LRRC7: variants seen among roughly 807,000 people sequenced by gnomAD.
LRRC7 encodes the protein leucine-rich repeat-containing protein 7.
A neutral mutation model predicts 175.7 loss-of-function variants in LRRC7; 23 were observed. The ratio of observed to expected loss-of-function variants is 0.13; its 90% CI spans 0.09 to 0.19. The LOEUF is 0.19. Among genes scored for constraint, LRRC7 ranks in the 10% least tolerant of loss-of-function variants. The probability of loss-of-function intolerance (pLI) is 1.00; values close to 1 mark genes in which losing one functional copy is unlikely to be tolerated. For missense variants in LRRC7, 1,354 were observed against 1,904.7 expected (o/e 0.71, Z 5.38); for synonymous variants, 685 against 680.9 (o/e 1.01, Z -0.09).
At chr1:69,919,900 A>G in intron 7 of LRRC7, 1 of 658,872 alleles carries the variant, frequency 1.5e-6, no homozygotes, top group Non-Finnish European at 2.8e-6. Context: ...CAGTGGCCGA[A>G]CCCCCCACTC....
chr1:70,016,729 C>A (rs534136021), intron 14 of LRRC7, among the ~76,000 whole-genome samples, 195 bp downstream of exon 14: 27 of 152,232 alleles, frequency 1.8e-4, no homozygotes, highest in African/African-American at 6.0e-4. Context: ...AAGCCCCACC[C>A]TCCTTAAATA....
chr1:69,756,742 A>T (rs1483837862), intron 2 of LRRC7, among the ~76,000 whole-genome samples: 1 of 151,972 alleles, frequency 6.6e-6, no homozygotes, highest in African/African-American at 2.4e-5. Flanking sequence ...TCCACAAATG[A>T]AGGAATAAAT....
intron 4 of LRRC7, among the ~76,000 whole-genome samples, chr1:69,802,706 T>A (rs932072118): frequency 6.6e-6 from 1 of 151,416 alleles, no homozygotes; most frequent in Non-Finnish European, 1.5e-5. Context: ...AACATTTGAT[T>A]CATTTATATC....
In LRRC7 at chr1:69,825,952, G is replaced by A. The variant is rs535339448; in HGVS notation, c.500+126G>A. ...GCATTGACATAGCATTTAATAGAAT[G>A]ATGGGAAAAATTAATCAGAATAGTT... On this transcript the variant is annotated intron_variant, in intron 5 of 26. Coordinates refer to ENST00000651989, the MANE Select transcript of LRRC7 (RefSeq NM_001370785.2). 2.3e-5 allele frequency: 12 copies of A among 526,290 alleles called. No homozygotes were observed. The South Asian group carries it at 3.3e-4, about 14-fold the overall frequency. 32.6% of individuals were successfully genotyped at this position (526,290 alleles called of 1,614,324 possible). A position where few individuals can be genotyped will look rare whatever the true frequency, so the allele number is the denominator to read the frequency against.
chr1:69,818,915 A>G (rs978810969), intron 4 of LRRC7, among the ~76,000 whole-genome samples: 1 of 152,050 alleles, frequency 6.6e-6, no homozygotes, highest in African/African-American at 2.4e-5. Flanking sequence ...CATGATTTGT[A>G]TATCTGTAGT....
intron 4 of LRRC7, among the ~76,000 whole-genome samples, chr1:69,813,771 G>T (rs1040797554): frequency 1.3e-5 from 2 of 152,038 alleles, no homozygotes; most frequent in African/African-American, 2.4e-5. Flanking sequence ...TCCCTTAGAA[G>T]AGAGTTCATT....
chr1:70,081,633 T>G (rs1031086749), intron 24 of LRRC7, among the ~76,000 whole-genome samples: 3 of 152,182 alleles, frequency 2.0e-5, no homozygotes, highest in African/African-American at 7.2e-5. Context: ...AAGAGTAAAT[T>G]GACACTGGAA....
chr1:69,901,723 A>T (rs531803592), intron 7 of LRRC7, among the ~76,000 whole-genome samples: 38 of 152,050 alleles, frequency 2.5e-4, no homozygotes, highest in East Asian at 5.8e-4. Context: ...GAACTTTATT[A>T]AAAAAAACTA....
intron 25 of LRRC7, among the ~76,000 whole-genome samples, chr1:70,101,572 A>G (rs181380522): frequency 6.6e-6 from 1 of 152,156 alleles, no homozygotes; most frequent in Non-Finnish European, 1.5e-5. Context: ...AAGTCCTTTA[A>G]GGTTTATGTC....
At chr1:70,041,999 CCTCTGT>C (rs1281735421) in intron 21 of LRRC7, among the ~76,000 whole-genome samples, 1 of 152,336 alleles carries the variant, frequency 6.6e-6, no homozygotes, top group South Asian at 2.1e-4. Context: ...CTTCATATAA[CCTCTGT>C]TTGTGTACAG....
intron 7 of LRRC7, among the ~76,000 whole-genome samples, chr1:69,890,417 T>C (rs1454948379): frequency 1.3e-5 from 2 of 152,262 alleles, no homozygotes; most frequent in Non-Finnish European, 2.9e-5. Context: ...AGTCTTAAAA[T>C]ATTCAGCAAA....
At chr1:70,112,338 G>C (rs1033719663) in intron 26 of LRRC7, among the ~76,000 whole-genome samples, 2 of 152,020 alleles carry the variant, frequency 1.3e-5, no homozygotes, top group African/African-American at 4.8e-5. Context: ...TATTATCATT[G>C]CTCTGTTCTA....
chr1:69,939,636 C>T (rs1284881137), intron 8 of LRRC7, among the ~76,000 whole-genome samples: 4 of 152,044 alleles, frequency 2.6e-5, no homozygotes, highest in South Asian at 4.1e-4. Context: ...ACCAGCAAGT[C>T]GGTACTGTGT....
intron 7 of LRRC7, among the ~76,000 whole-genome samples, chr1:69,851,752 G>C (rs777528413): frequency 6.6e-6 from 1 of 152,204 alleles, no homozygotes; most frequent in Non-Finnish European, 1.5e-5. Flanking sequence ...ATCTTCTGGC[G>C]GTGTTGACCA....
At chr1:69,985,741 T>C (rs1452556858) in intron 9 of LRRC7, among the ~76,000 whole-genome samples, 1 of 152,242 alleles carries the variant, frequency 6.6e-6, no homozygotes, top group African/African-American at 2.4e-5. Context: ...ATGTGTGGTC[T>C]TTTGTGACTG....
intron 1 of LRRC7, among the ~76,000 whole-genome samples, chr1:69,572,060 C>T (rs1645759848): frequency 6.6e-6 from 1 of 152,018 alleles, no homozygotes; most frequent in Non-Finnish European, 1.5e-5. Context: ...TGCAAGATGA[C>T]TTTAGGGGAA....
At chr1:69,880,279 T>C (rs1030862010) in intron 7 of LRRC7, among the ~76,000 whole-genome samples, 1 of 152,194 alleles carries the variant, frequency 6.6e-6, no homozygotes, top group African/African-American at 2.4e-5. Flanking sequence ...AGGAGGAGAA[T>C]TATTCTCTCT....
At chr1:69,830,112 A>G (rs963411947) in intron 5 of LRRC7, among the ~76,000 whole-genome samples, 1 of 151,868 alleles carries the variant, frequency 6.6e-6, no homozygotes, top group Non-Finnish European at 1.5e-5. Context: ...GCATGAAGCC[A>G]GTATTTAAAT....
chr1:69,632,363 T>C (rs2100383435), intron 1 of LRRC7, among the ~76,000 whole-genome samples: 1 of 152,340 alleles, frequency 6.6e-6, no homozygotes, highest in South Asian at 2.1e-4. Flanking sequence ...ATATGGCTTA[T>C]AAATATTTAT....
Sources: gnomAD v4.1 joint callset for allele counts (sites outside exome capture counted in the v4.1 genomes callset) on GRCh38, gnomAD v4.1.1 for gene constraint, MANE v1.5 for transcripts, NCBI Gene and HGNC (gene_info 2026-07-23, HGNC 2026-07-21) for gene names.